SEC16B: variants seen among roughly 807,000 people sequenced by gnomAD.
SEC16B encodes SEC16 homolog B, endoplasmic reticulum export factor.
Under a neutral mutation model 141.8 loss-of-function variants are expected in SEC16B, and 115 were observed. That is an observed-to-expected ratio of 0.81 (90% CI 0.70 to 0.95). The LOEUF (loss-of-function observed/expected upper bound fraction) is 0.95, where lower values mean the gene tolerates loss of function less well. SEC16B is among the 40% of genes least tolerant of loss of function. SEC16B has a pLI of 0.00. For synonymous variants in SEC16B, 493 were observed against 492.5 expected (o/e 1.00, Z -0.01); for missense variants, 1,291 against 1,312.3 (o/e 0.98, Z 0.25).
intron 15 of SEC16B, among the ~76,000 whole-genome samples, chr1:177,942,816 A>C (rs866407542): frequency 1.2e-4 from 18 of 152,304 alleles, no homozygotes; most frequent in Middle Eastern, 3.4e-3. Context: ...ACCCAAGTTC[A>C]AATAAAAGCT....
chr1:177,969,629 C>CTTG (rs1275365531), intron 1 of SEC16B, among the ~76,000 whole-genome samples: 2 of 152,200 alleles, frequency 1.3e-5, no homozygotes, highest in Non-Finnish European at 2.9e-5. Flanking sequence ...CCCAATCTTT[C>CTTG]CACTGAAATC....
chr1:177,931,289 G>A (rs539721284), intron 24 of SEC16B, among the ~76,000 whole-genome samples: 8 of 152,284 alleles, frequency 5.3e-5, no homozygotes, highest in East Asian at 1.9e-4. Context: ...GGATGAAGCC[G>A]GAGTCCATTA....
intron 10 of SEC16B, among the ~76,000 whole-genome samples, chr1:177,957,144 C>T (rs1652673846): frequency 6.6e-6 from 1 of 151,968 alleles, no homozygotes; most frequent in South Asian, 2.1e-4. Flanking sequence ...CCTTTATATA[C>T]CCAATAATTC....
chr1:177,936,169 C>A (rs554176018), intron 20 of SEC16B, 129 bp downstream of exon 20: 2 of 722,672 alleles, frequency 2.8e-6, no homozygotes, highest in African/African-American at 1.8e-5. Flanking sequence ...AAAGGCAAGG[C>A]GAGATGTGGA....
intron 8 of SEC16B, 84 bp from the exon 9 acceptor site, chr1:177,959,059 A>C (rs780204786): frequency 4.3e-5 from 61 of 1,430,722 alleles, no homozygotes; most frequent in Non-Finnish European, 5.7e-5. Flanking sequence ...TAAGTGTGCA[A>C]GTGCTGGCTG....
intron 1 of SEC16B, among the ~76,000 whole-genome samples, chr1:177,983,097 G>A (rs957326583): frequency 1.3e-5 from 2 of 152,162 alleles, no homozygotes; most frequent in African/African-American, 4.8e-5. Context: ...ACCTGTCCCC[G>A]AATTGGATGT....
At position 177,940,550 on chromosome 1, in the gene SEC16B, G is replaced by C. The variant is rs1651200630; in HGVS notation, c.2127+60C>G. 4.2e-6 allele frequency: 5 copies of C among 1,185,650 alleles called. No individual in the cohort carries two copies. The South Asian group carries it at 5.0e-5, about 12-fold the overall frequency. The allele number at this position is 1,185,650 out of a possible 1,614,324, so 73.4% of individuals were successfully genotyped here. On this transcript the variant is annotated intron_variant, in intron 17 of 25. Transcript: ENST00000308284. The stretch of plus-strand genomic sequence containing the variant: ...CAGTGCCTACCTGTTCCATGTCTAG[G>C]GGTGGGAAGAGGGAAACAAAGGCCA...
upstream of SEC16B, among the ~76,000 whole-genome samples, chr1:177,971,784 T>TTCAGTGAAA: frequency 6.6e-6 from 1 of 152,358 alleles, no homozygotes; most frequent in African/African-American, 2.4e-5. Flanking sequence ...ATTACACTGG[T>TTCAGTGAAA]GTGCTCTAGC....
chr1:177,963,791 G>T (rs12085889), intron 5 of SEC16B, among the ~76,000 whole-genome samples: 1 of 152,182 alleles, frequency 6.6e-6, no homozygotes, highest in Non-Finnish European at 1.5e-5. Flanking sequence ...TCTCAAACCT[G>T]AATTCAAAGA....
At chr1:177,935,070 C>T (rs1370156947) in intron 20 of SEC16B, among the ~76,000 whole-genome samples, 1 of 152,126 alleles carries the variant, frequency 6.6e-6, no homozygotes, top group South Asian at 2.1e-4. Context: ...TGCTGTTTCT[C>T]TGCCTCAAAC....
chr1:177,955,310 C>T (rs973782481), intron 10 of SEC16B, among the ~76,000 whole-genome samples: 4 of 151,962 alleles, frequency 2.6e-5, no homozygotes, highest in African/African-American at 9.7e-5. Context: ...GCCCTGGCAA[C>T]ATAGCAAGAC....
intron 12 of SEC16B, among the ~76,000 whole-genome samples, chr1:177,950,237 C>T (rs751065814): frequency 6.6e-6 from 1 of 152,114 alleles, no homozygotes; most frequent in Non-Finnish European, 1.5e-5. Context: ...CGAGAAAAGG[C>T]TCCATTACCA....
chr1:177,969,164 A>T (rs1653781742), intron 1 of SEC16B, among the ~76,000 whole-genome samples: 1 of 152,194 alleles, frequency 6.6e-6, no homozygotes, highest in Non-Finnish European at 1.5e-5. Flanking sequence ...ACTTGTTTCC[A>T]CTACTGAAGG....
At chr1:177,981,009 A>C (rs1376024851) in intron 1 of SEC16B, among the ~76,000 whole-genome samples, 1 of 152,046 alleles carries the variant, frequency 6.6e-6, no homozygotes, top group Non-Finnish European at 1.5e-5. Context: ...GCTGATACTG[A>C]AGACTGTCCC....
In SEC16B at chr1:177,939,725, G is replaced by A. The variant is rs12074076; in HGVS notation, c.2180C>T (p.Ser727Leu). The part of the protein sequence containing the change: ...GDPHPTRSDI[S>L]GAGGTTTENT... ...ACCTGTTGTTGTTCCTCCGGCTCCCGAAATATCTGAGCGAGTAGGATGAGG... is the reference window on the plus strand; with the variant it reads ...ACCTGTTGTTGTTCCTCCGGCTCCCAAAATATCTGAGCGAGTAGGATGAGG... The change falls in exon 18 of 26, where the codon TCG becomes TTG. Residue 727 changes from serine (S) to leucine (L), a missense_variant. Ser to Leu is a moderately radical substitution (Grantham distance 145). This residue lies in a region of SEC16B where 605 missense variants were observed against 614.1 expected (regional missense o/e 0.99). Transcript: ENST00000308284. 3.8e-4 allele frequency: 608 copies of A among 1,596,642 alleles called. 5 individuals are homozygous for A. The African/African-American group carries it at 5.6e-3, about 15-fold the overall frequency.
chr1:177,947,759 G>GACAGGGAGGGGAGGTGAGGGGAGGT, intron 13 of SEC16B, 66 bp downstream of exon 13: 1 of 842,736 alleles, frequency 1.2e-6, no homozygotes, highest in Non-Finnish European at 1.8e-6. Flanking sequence ...TGAGGAAAGG[G>GACAGGGAGGGGAGGTGAGGGGAGGT]ACAGGGAGGG....
chr1:177,966,944 A>G (rs1653573761), intron 2 of SEC16B, among the ~76,000 whole-genome samples: 1 of 152,174 alleles, frequency 6.6e-6, no homozygotes, highest in Admixed American at 6.5e-5. Context: ...TCAACCCTGA[A>G]TCTGTAAGCA....
At chr1:177,942,747 G>A (rs1198695242) in intron 15 of SEC16B, among the ~76,000 whole-genome samples, 1 of 152,150 alleles carries the variant, frequency 6.6e-6, no homozygotes, top group South Asian at 2.1e-4. Flanking sequence ...ACAAGTAAGC[G>A]CTCGTGAAAG....
intron 11 of SEC16B, among the ~76,000 whole-genome samples, chr1:177,952,432 A>G (rs1652265414): frequency 6.6e-6 from 1 of 152,124 alleles, no homozygotes; most frequent in African/African-American, 2.4e-5. Context: ...CACAGCACTC[A>G]GTGCCGTTTT....
Sources: gnomAD v4.1 joint callset for allele counts (sites outside exome capture counted in the v4.1 genomes callset) on GRCh38, gnomAD v4.1.1 for gene constraint, gnomAD v4.1.1 regional missense constraint, MANE v1.5 for transcripts, NCBI Gene and HGNC (gene_info 2026-07-23, HGNC 2026-07-21) for gene names.